DMD: variants seen among roughly 807,000 people sequenced by gnomAD.
The protein encoded by DMD is dystrophin, also known as mutant dystrophin.
A neutral mutation model predicts 330.1 loss-of-function variants in DMD; 63 were observed. The ratio of observed to expected loss-of-function variants is 0.19; its 90% CI spans 0.16 to 0.24. DMD has a LOEUF of 0.24. Ranked by LOEUF, DMD falls within the 10% of genes least tolerant of loss-of-function variation. The pLI, the probability that DMD is intolerant of heterozygous loss-of-function variation, is 1.00. For synonymous variants in DMD, 1,223 were observed against 959.8 expected (o/e 1.27, Z -5.07); for missense variants, 3,344 against 2,684.1 (o/e 1.25, Z -5.43).
At chrX:33,287,619 T>C (rs1244619076) in intron 1 of DMD, among the ~76,000 whole-genome samples, 1 of 111,562 alleles carries the variant, frequency 9.0e-6, no homozygotes, top group East Asian at 2.8e-4. Flanking sequence ...AGAAATGCCT[T>C]TTCTTCAACA....
chrX:32,870,443 A>G (rs2082860079), intron 2 of DMD, among the ~76,000 whole-genome samples: 1 of 112,266 alleles, frequency 8.9e-6, no homozygotes. Flanking sequence ...TTTAAAATTC[A>G]TACAGAACCA....
At chrX:32,619,662 G>T (rs1331878223) in intron 11 of DMD, among the ~76,000 whole-genome samples, 1 of 111,853 alleles carries the variant, frequency 8.9e-6, no homozygotes, top group Non-Finnish European at 1.9e-5. Flanking sequence ...TGGGTCTGTT[G>T]AGTGTGTGTG....
chrX:31,845,466 T>C, intron 48 of DMD, among the ~76,000 whole-genome samples: 1 of 106,479 alleles, frequency 9.4e-6, no homozygotes, highest in African/African-American at 3.4e-5. Flanking sequence ...GTTGATTGTA[T>C]ATACCAAGAG....
chrX:33,101,459 G>A (rs765131162), intron 1 of DMD, among the ~76,000 whole-genome samples: 9 of 111,588 alleles, frequency 8.1e-5, no homozygotes, highest in African/African-American at 1.6e-4. Context: ...GTGAAACCCC[G>A]TCTCTACTAA....
At chrX:32,322,543 A>G (rs6527181) in intron 41 of DMD, among the ~76,000 whole-genome samples, 13 of 109,511 alleles carry the variant, frequency 1.2e-4, no homozygotes, top group Admixed American at 1.2e-3. Flanking sequence ...AGCTTGGGCA[A>G]TAGCAAGACC....
chrX:31,723,801 C>G (rs2085784988), intron 52 of DMD, among the ~76,000 whole-genome samples: 1 of 111,244 alleles, frequency 9.0e-6, no homozygotes, highest in Non-Finnish European at 1.9e-5. Flanking sequence ...ATGACCAGGT[C>G]AAATTCAGCC....
chrX:32,385,871 T>C (rs2097954451), intron 33 of DMD, among the ~76,000 whole-genome samples: 1 of 110,597 alleles, frequency 9.0e-6, no homozygotes, highest in African/African-American at 3.3e-5. Flanking sequence ...CTGTGGAATA[T>C]GTTAACAACA....
At position 31,991,861 on chromosome X, in the gene DMD, G is replaced by T. The variant is rs926752839; in HGVS notation, c.6439-23347C>A. ...TGGCAAATACATTATTGTTGATTTTGAAAGTTTATTCTACAGCTATTTAAG... is the reference window on the plus strand; with the variant it reads ...TGGCAAATACATTATTGTTGATTTTTAAAGTTTATTCTACAGCTATTTAAG... On this transcript the variant is annotated intron_variant, in intron 44 of 78. Coordinates refer to ENST00000357033, the MANE Select transcript of DMD (RefSeq NM_004006.3). Among the ~76,000 whole-genome samples, 4 of 110,933 alleles carry T rather than the reference G, an allele frequency of 3.6e-5. No individual in the cohort carries two copies. In the Admixed American group the frequency reaches 3.8e-4, roughly 11 times the overall value.
intron 2 of DMD, among the ~76,000 whole-genome samples, chrX:32,947,799 G>T (rs1206492934): frequency 9.0e-6 from 1 of 111,217 alleles, no homozygotes; most frequent in Non-Finnish European, 1.9e-5. Flanking sequence ...AGGATTCTCA[G>T]TTAAGGGGAG....
rs1060504674 is a variant in DMD, at chrX:31,182,914, C to T, written c.9808-10G>A. The T allele has an allele frequency of 3.3e-6, 4 of 1,199,822 alleles. No homozygotes were observed. The highest frequency in any genetic ancestry group is 3.6e-5 in the African/African-American group (2 of 55,628). On this transcript the variant is annotated splice_polypyrimidine_tract_variant and intron_variant, in intron 67 of 78. Transcript: ENST00000357033. ...CTGGCTTATTATTAGCCTGCAAAGACAGGAGGGAGAGAGAAGGAGGGCAAA... is the reference window on the plus strand; with the variant it reads ...CTGGCTTATTATTAGCCTGCAAAGATAGGAGGGAGAGAGAAGGAGGGCAAA...
chrX:32,335,500 TTA>T (rs1271652802), intron 41 of DMD, among the ~76,000 whole-genome samples: 17 of 70,941 alleles, frequency 2.4e-4, no homozygotes, highest in East Asian at 1.7e-3. Flanking sequence ...TATATACATG[TTA>T]TATATATAAC....
intron 2 of DMD, among the ~76,000 whole-genome samples, chrX:32,888,899 G>A (rs778917391): frequency 6.4e-4 from 71 of 110,946 alleles, no homozygotes; most frequent in African/African-American, 2.2e-3. Context: ...AAATTCTCAA[G>A]TCCAGGCACG....
At chrX:32,365,604 G>C (rs1397504153) in intron 34 of DMD, among the ~76,000 whole-genome samples, 1 of 111,182 alleles carries the variant, frequency 9.0e-6, no homozygotes, top group Non-Finnish European at 1.9e-5. Context: ...TAGCCTTTTA[G>C]TGCCATGGAT....
intron 76 of DMD, among the ~76,000 whole-genome samples, chrX:31,144,160 C>T (rs1010327924): frequency 1.8e-5 from 2 of 111,959 alleles, no homozygotes; most frequent in African/African-American, 6.5e-5. Context: ...TGCCTCTTCC[C>T]ACTGCTCCAG....
At chrX:33,319,587 A>G (rs1357793214) in intron 1 of DMD, among the ~76,000 whole-genome samples, 3 of 112,101 alleles carry the variant, frequency 2.7e-5, no homozygotes, top group Non-Finnish European at 5.6e-5. Flanking sequence ...ATTATCTGAT[A>G]TTACAGTTAC....
chrX:31,278,732 A>G (rs935700212), intron 62 of DMD, among the ~76,000 whole-genome samples: 1 of 112,051 alleles, frequency 8.9e-6, no homozygotes, highest in African/African-American at 3.2e-5. Flanking sequence ...TCCATCTTGC[A>G]GTGAGACCTA....
At chrX:32,587,086 T>A (rs1314752055) in intron 13 of DMD, among the ~76,000 whole-genome samples, 1 of 111,637 alleles carries the variant, frequency 9.0e-6, no homozygotes, top group African/African-American at 3.2e-5. Flanking sequence ...GGGTCTAACA[T>A]TCTATAAAAT....
chrX:32,322,728 A>T (rs1275974906), intron 41 of DMD, among the ~76,000 whole-genome samples: 2 of 111,626 alleles, frequency 1.8e-5, no homozygotes, highest in African/African-American at 6.5e-5. Context: ...TGATACTTGG[A>T]CTAGAATCAG....
At chrX:33,224,301 T>C (rs1410673096) in intron 1 of DMD, among the ~76,000 whole-genome samples, 1 of 112,541 alleles carries the variant, frequency 8.9e-6, no homozygotes, top group African/African-American at 3.2e-5. Context: ...AGCAGCTTTA[T>C]TCATAATTGC....
Sources: allele counts gnomAD v4.1 joint callset (sites outside exome capture counted in the v4.1 genomes callset), GRCh38; gene constraint gnomAD v4.1.1; transcripts MANE v1.5; gene names NCBI Gene and HGNC (gene_info 2026-07-23, HGNC 2026-07-21).